Variants in PCBD2 observed in about 807,000 individuals in gnomAD.
PCBD2 encodes pterin-4-alpha-carbinolamine dehydratase 2.
Under a neutral mutation model 16.4 loss-of-function variants are expected in PCBD2, and 12 were observed. The ratio of observed to expected loss-of-function variants is 0.73; its 90% CI spans 0.47 to 1.19. The LOEUF is 1.19. PCBD2 is among the 50% of genes most tolerant of loss of function. PCBD2 has a pLI of 0.00. For synonymous variants in PCBD2, 58 were observed against 61.8 expected, an observed-to-expected ratio of 0.94 and a Z score of 0.29; for missense variants, 138 against 156.8, an observed-to-expected ratio of 0.88 and a Z score of 0.64.
At chr5:134,921,684 C>G (rs1200768791) in intron 2 of PCBD2, among the ~76,000 whole-genome samples, 3 of 152,154 alleles carry the variant, frequency 2.0e-5, no homozygotes, top group African/African-American at 7.2e-5. Flanking sequence ...AGCATCCTCT[C>G]AAGCACCTAG....
intron 2 of PCBD2, among the ~76,000 whole-genome samples, chr5:134,929,255 G>A (rs1008891286): frequency 6.6e-6 from 1 of 151,914 alleles, no homozygotes; most frequent in Admixed American, 6.6e-5. Flanking sequence ...GCCAAGGCGG[G>A]AGAATTGCTT....
intron 3 of PCBD2, 104 bp downstream of exon 3, chr5:134,959,224 G>GGATAAGACTT: frequency 1.2e-6 from 1 of 812,576 alleles, no homozygotes; most frequent in Non-Finnish European, 1.9e-6. Context: ...ACTTAAGAAA[G>GGATAAGACTT]TCTTATCCTT....
chr5:134,962,427 A>G lies in PCBD2; in HGVS notation c.*1746A>G, dbSNP rs1751489168. Among the ~76,000 whole-genome samples, 5 of 151,624 alleles carry G rather than the reference A, an allele frequency of 3.3e-5. No individual in the cohort carries two copies. In the South Asian group the frequency reaches 1.0e-3, roughly 32 times the overall value. On this transcript the variant is annotated 3_prime_UTR_variant, in exon 4 of 4. Coordinates refer to ENST00000254908, the MANE Select transcript of PCBD2 (RefSeq NM_032151.5). ...TAAAATTTTTATTTATTTATTTTTA[A>G]TAATTATACAAGATGGAGTCTCACT... is the stretch of plus-strand genomic sequence containing the variant.
At chr5:134,945,979 C>T (rs1751291161) in intron 2 of PCBD2, among the ~76,000 whole-genome samples, 1 of 151,890 alleles carries the variant, frequency 6.6e-6, no homozygotes, top group African/African-American at 2.4e-5. Flanking sequence ...TCTTTGATAC[C>T]AAAAATAGGG....
At chr5:134,916,522 A>G (rs1045524522) in intron 2 of PCBD2, among the ~76,000 whole-genome samples, 2 of 152,172 alleles carry the variant, frequency 1.3e-5, no homozygotes, top group Admixed American at 6.5e-5. Context: ...AAAATGAACT[A>G]TTTTGGAAAT....
intron 2 of PCBD2, among the ~76,000 whole-genome samples, chr5:134,940,917 C>G (rs1751218707): frequency 1.3e-5 from 2 of 152,000 alleles, no homozygotes; most frequent in African/African-American, 4.8e-5. Context: ...ATCATGAGGT[C>G]GAGACCATCC....
At chr5:134,913,608 G>T (rs776407600) in intron 2 of PCBD2, among the ~76,000 whole-genome samples, 9 of 152,172 alleles carry the variant, frequency 5.9e-5, no homozygotes, top group Non-Finnish European at 1.3e-4. Context: ...AGGCAGAGAA[G>T]TGTCATCCTG....
At chr5:134,932,294 C>T (rs965524097) in intron 2 of PCBD2, among the ~76,000 whole-genome samples, 1 of 150,884 alleles carries the variant, frequency 6.6e-6, no homozygotes, top group African/African-American at 2.4e-5. Flanking sequence ...CCTCCTACCT[C>T]CGCCTCCTGA....
chr5:134,947,634 G>T (rs1370969313), intron 2 of PCBD2, among the ~76,000 whole-genome samples: 3 of 151,736 alleles, frequency 2.0e-5, no homozygotes, highest in Non-Finnish European at 2.9e-5. Flanking sequence ...TGATCCACCC[G>T]CCTCGGCCTC....
intron 2 of PCBD2, chr5:134,925,423 A>G (rs1750976206): frequency 2.5e-6 from 1 of 398,470 alleles, no homozygotes; most frequent in Admixed American, 4.4e-5. Context: ...GTTGTGGATG[A>G]TGGATCCGGA....
intron 2 of PCBD2, among the ~76,000 whole-genome samples, chr5:134,952,421 T>C (rs1751368975): frequency 1.3e-5 from 2 of 152,238 alleles, no homozygotes; most frequent in Non-Finnish European, 2.9e-5. Flanking sequence ...AAAAGTGTTA[T>C]TCTCAGTTTT....
At chr5:134,931,571 G>A (rs1751096080) in intron 2 of PCBD2, among the ~76,000 whole-genome samples, 1 of 152,138 alleles carries the variant, frequency 6.6e-6, no homozygotes, top group Admixed American at 6.5e-5. Context: ...GGAAAAGTCA[G>A]GGAAGTTAAA....
At chr5:134,959,263 A>C in intron 3 of PCBD2, 143 bp downstream of exon 3, 1 of 595,138 alleles carries the variant, frequency 1.7e-6, no homozygotes, top group East Asian at 3.0e-5. Context: ...TATTATTGCA[A>C]ATTAGTAACA....
At chr5:134,937,086 GA>G (rs1281314226) in intron 2 of PCBD2, among the ~76,000 whole-genome samples, 1 of 152,124 alleles carries the variant, frequency 6.6e-6, no homozygotes, top group Non-Finnish European at 1.5e-5. Flanking sequence ...ATTCCATGTT[GA>G]AAAATAAAAA....
intron 2 of PCBD2, chr5:134,926,929 G>C (rs1306689853): frequency 2.5e-6 from 1 of 398,054 alleles, no homozygotes; most frequent in Non-Finnish European, 4.4e-6. Flanking sequence ...ATAGTGGGGG[G>C]TAAGGCGAGA....
At chr5:134,910,563 T>A in intron 2 of PCBD2, 97 bp downstream of exon 2, 9 of 1,391,758 alleles carry the variant, frequency 6.5e-6, no homozygotes, top group Non-Finnish European at 8.9e-6. Flanking sequence ...CCCATGTAGA[T>A]CTAGGATTCA....
chr5:134,938,493 T>C (rs1751187850), intron 2 of PCBD2, among the ~76,000 whole-genome samples: 1 of 152,194 alleles, frequency 6.6e-6, no homozygotes, highest in South Asian at 2.1e-4. Context: ...CTCTCACCCT[T>C]TTGTGACCTT....
intron 2 of PCBD2, chr5:134,927,663 G>A (rs1258675641): frequency 1.0e-5 from 4 of 398,228 alleles, no homozygotes; most frequent in Non-Finnish European, 1.8e-5. Flanking sequence ...GGGGATAAGT[G>A]TGGTTTCGAA....
At chr5:134,927,843 AG>A in intron 2 of PCBD2, 3 of 258,318 alleles carry the variant, frequency 1.2e-5, no homozygotes, top group South Asian at 1.8e-4. Flanking sequence ...TAGTATTAGG[AG>A]GGGGGTCGTT....
Sources: allele counts gnomAD v4.1 joint callset (sites outside exome capture counted in the v4.1 genomes callset), GRCh38; gene constraint gnomAD v4.1.1; transcripts MANE v1.5; gene names NCBI Gene and HGNC (gene_info 2026-07-23, HGNC 2026-07-21).